Variants in FSTL4 observed in about 807,000 individuals in gnomAD.
The protein encoded by FSTL4 is follistatin like 4.
A neutral mutation model predicts 78.2 loss-of-function variants in FSTL4; 28 were observed. The observed-to-expected ratio is 0.36, with a 90% confidence interval of 0.27 to 0.49. The LOEUF (loss-of-function observed/expected upper bound fraction) is 0.49, where lower values mean the gene tolerates loss of function less well. Among genes scored for constraint, FSTL4 ranks in the 20% least tolerant of loss-of-function variants. FSTL4 has a pLI of 0.98. For synonymous variants in FSTL4, 422 were observed against 440.5 expected (o/e 0.96, Z 0.53); for missense variants, 922 against 1,084.9 (o/e 0.85, Z 2.11).
chr5:133,283,037 G>A (rs1163032089), intron 6 of FSTL4, among the ~76,000 whole-genome samples: 1 of 146,430 alleles, frequency 6.8e-6, no homozygotes, highest in African/African-American at 2.6e-5. Context: ...GGGGCCCTGG[G>A]CTGGAGGAGA....
At chr5:133,365,156 T>C (rs1371143152) in intron 4 of FSTL4, among the ~76,000 whole-genome samples, 1 of 152,032 alleles carries the variant, frequency 6.6e-6, no homozygotes, top group Admixed American at 6.6e-5. Context: ...GTCCTCCTTT[T>C]ACGAGGAGTT....
intron 3 of FSTL4, among the ~76,000 whole-genome samples, chr5:133,418,403 C>T (rs1020536697): frequency 2.6e-5 from 4 of 151,866 alleles, no homozygotes; most frequent in Admixed American, 6.6e-5. Flanking sequence ...AATATGCTCA[C>T]GGATTAGAAG....
chr5:133,599,775 T>C (rs1760817288), intron 2 of FSTL4, among the ~76,000 whole-genome samples: 1 of 151,182 alleles, frequency 6.6e-6, no homozygotes, highest in Non-Finnish European at 1.5e-5. Context: ...GCCCCAAAAA[T>C]GGGGTGGCTC....
chr5:133,720,016 G>C, the FSTL4 span, among the ~76,000 whole-genome samples: 3 of 152,114 alleles, frequency 2.0e-5, no homozygotes, highest in African/African-American at 7.2e-5. Context: ...GGCTTCACAC[G>C]TATCCACAAA....
At chr5:133,469,257 A>G (rs1757771224) in intron 3 of FSTL4, among the ~76,000 whole-genome samples, 1 of 152,186 alleles carries the variant, frequency 6.6e-6, no homozygotes, top group Non-Finnish European at 1.5e-5. Context: ...GTGTGCTGGG[A>G]GACCCAATGC....
chr5:133,655,663 A>G, the FSTL4 span, among the ~76,000 whole-genome samples: 1 of 152,198 alleles, frequency 6.6e-6, no homozygotes, highest in East Asian at 1.9e-4. Context: ...CATAAAATGA[A>G]CAAACAGCCT....
At chr5:133,365,235 A>AAATAATAAT (rs150360420) in intron 4 of FSTL4, among the ~76,000 whole-genome samples, 52 of 150,884 alleles carry the variant, frequency 3.4e-4, no homozygotes, top group African/African-American at 1.3e-3. Flanking sequence ...TTAATTTCTA[A>AAATAATAAT]AATAATAATA....
At chr5:133,522,226 A>G (rs1758995918) in intron 3 of FSTL4, among the ~76,000 whole-genome samples, 1 of 152,174 alleles carries the variant, frequency 6.6e-6, no homozygotes, top group Admixed American at 6.5e-5. Flanking sequence ...CTGGGAATTA[A>G]TTCAGCATTT....
chr5:133,648,750 A>T, the FSTL4 span, among the ~76,000 whole-genome samples: 1 of 152,104 alleles, frequency 6.6e-6, no homozygotes, highest in Admixed American at 6.5e-5. Context: ...ACAAAATTGA[A>T]CACACAACAC....
chr5:133,797,275 G>C, the FSTL4 span, among the ~76,000 whole-genome samples: 1 of 152,218 alleles, frequency 6.6e-6, no homozygotes, highest in South Asian at 2.1e-4. Flanking sequence ...GGGCTTCCAA[G>C]TTTAGGTGGA....
chr5:133,727,537 T>C, the FSTL4 span, among the ~76,000 whole-genome samples: 6 of 152,120 alleles, frequency 3.9e-5, no homozygotes, highest in Non-Finnish European at 8.8e-5. Flanking sequence ...TGATCAATAA[T>C]TTCTCCAAGA....
At position 133,197,009 on chromosome 5, in the gene FSTL4, G is replaced by A. The variant is rs1365189353; in HGVS notation, c.*2086C>T. ...AGATGGAAGGGACAGTGGGGGAGAA[G>A]CAGGTGCTGCAGAAGTTGACTCTGT... is the stretch of plus-strand genomic sequence containing the variant. On this transcript the variant is annotated 3_prime_UTR_variant, in exon 16 of 16. Coordinates refer to ENST00000265342, the MANE Select transcript of FSTL4 (RefSeq NM_015082.2). 3.3e-5 allele frequency: 5 copies of A among 152,220 alleles called. No individual in the cohort carries two copies. The highest frequency in any genetic ancestry group is 7.2e-5 in the African/African-American group (3 of 41,446). 9.4% of individuals were successfully genotyped at this position (152,220 alleles called of 1,614,324 possible). A position where few individuals can be genotyped will look rare whatever the true frequency, so the allele number is the denominator to read the frequency against.
rs560484392 is a variant in FSTL4 at position 133,215,240 on chromosome 5, G to A, written c.1608+1989C>T. On this transcript the variant is annotated intron_variant, in intron 13 of 15. Coordinates refer to ENST00000265342, the MANE Select transcript of FSTL4 (RefSeq NM_015082.2). ...TATTCCTCCTTGGTCTCCTTTATTG[G>A]TTTCTTCTCTCCTTACTGATCTTTA... is the stretch of plus-strand genomic sequence containing the variant. Among the ~76,000 whole-genome samples the A allele has an allele frequency of 2.6e-5, 4 of 152,056 alleles. No individual in the cohort carries two copies. The East Asian group carries it at 7.7e-4, about 29-fold the overall frequency.
intron 6 of FSTL4, among the ~76,000 whole-genome samples, chr5:133,302,951 C>T (rs776744862): frequency 6.6e-6 from 1 of 152,228 alleles, no homozygotes; most frequent in Non-Finnish European, 1.5e-5. Flanking sequence ...ATGCCCACCA[C>T]ATGGAAAGTG....
intron 6 of FSTL4, among the ~76,000 whole-genome samples, chr5:133,290,184 G>T (rs1753226543): frequency 1.3e-5 from 2 of 152,214 alleles, no homozygotes; most frequent in African/African-American, 4.8e-5. Context: ...TGCCATCCAG[G>T]ACTGTGAGGA....
At chr5:133,212,960 GAA>G in intron 13 of FSTL4, among the ~76,000 whole-genome samples, 1 of 150,642 alleles carries the variant, frequency 6.6e-6, no homozygotes, top group African/African-American at 2.4e-5. Flanking sequence ...AATGCTGAAA[GAA>G]AAGAATCGCT....
chr5:133,387,367 C>T (rs1250086102), intron 4 of FSTL4, among the ~76,000 whole-genome samples: 1 of 152,186 alleles, frequency 6.6e-6, no homozygotes, highest in Non-Finnish European at 1.5e-5. Context: ...GAGATGACGT[C>T]CATACAGCCC....
chr5:133,372,482 C>T (rs542836199), intron 4 of FSTL4, among the ~76,000 whole-genome samples: 3 of 152,214 alleles, frequency 2.0e-5, no homozygotes, highest in South Asian at 2.1e-4. Flanking sequence ...CGCCAACCTT[C>T]CAGGCCTTTC....
At chr5:133,740,925 G>A in the FSTL4 span, among the ~76,000 whole-genome samples, 13 of 148,982 alleles carry the variant, frequency 8.7e-5, no homozygotes, top group Non-Finnish European at 1.3e-4. Flanking sequence ...AGAGTTTGAA[G>A]TCAGCCTCTG....
Sources: allele counts gnomAD v4.1 joint callset (sites outside exome capture counted in the v4.1 genomes callset), GRCh38; gene constraint gnomAD v4.1.1; transcripts MANE v1.5; gene names NCBI Gene and HGNC (gene_info 2026-07-23, HGNC 2026-07-21).